The following CASQ2 variants were observed in gnomAD, a reference collection of about 807,000 sequenced individuals.
CASQ2 encodes the protein calsequestrin-2.
Under a neutral mutation model 46.5 loss-of-function variants are expected in CASQ2, and 49 were observed. The ratio of observed to expected loss-of-function variants is 1.05; its 90% CI spans 0.84 to 1.34. CASQ2 has a LOEUF of 1.34. CASQ2 is among the 40% of genes most tolerant of loss of function. The probability of loss-of-function intolerance (pLI) is 0.00; values close to 1 mark genes in which losing one functional copy is unlikely to be tolerated. For missense variants in CASQ2, 486 were observed against 481.3 expected (o/e 1.01, Z -0.09); for synonymous variants, 174 against 168.5 (o/e 1.03, Z -0.25).
At chr1:115,706,140 G>GTGTGTGTGCGTGCGTGTGTGTA (rs770420146) in intron 8 of CASQ2, among the ~76,000 whole-genome samples, 2 of 151,830 alleles carry the variant, frequency 1.3e-5, no homozygotes, top group South Asian at 2.1e-4. Context: ...CTGTGCCTGT[G>GTGTGTGTGCGTGCGTGTGTGTA]TGTGTGTGCG....
chr1:115,741,605 T>C (rs1206942988), intron 2 of CASQ2, among the ~76,000 whole-genome samples: 1 of 152,188 alleles, frequency 6.6e-6, no homozygotes, highest in East Asian at 1.9e-4. Context: ...TTAATGTATG[T>C]GGCCAGGATG....
rs74877425 is a variant in CASQ2, at chr1:115,757,519, G to A, written c.234+10789C>T. Reference sequence around the variant, plus strand: ...TGTGTGTTGCTATTCCCTCCCCAGCGTTTCCACGCAGCTCCATCTGCAGAT... The same window carrying A: ...TGTGTGTTGCTATTCCCTCCCCAGCATTTCCACGCAGCTCCATCTGCAGAT... On this transcript the variant is annotated intron_variant, in intron 1 of 10. Transcript: ENST00000261448. Among the ~76,000 whole-genome samples, 1,004 of 152,212 alleles carry A rather than the reference G, an allele frequency of 6.6e-3. 3 individuals are homozygous for A. The highest frequency in any genetic ancestry group is 0.012 in the Non-Finnish European group (804 of 68,010).
At chr1:115,721,298 G>A (rs1221647897) in intron 7 of CASQ2, among the ~76,000 whole-genome samples, 1 of 152,056 alleles carries the variant, frequency 6.6e-6, no homozygotes, top group Non-Finnish European at 1.5e-5. Context: ...TCAGCACTGG[G>A]TCTCCTTTTG....
intron 8 of CASQ2, among the ~76,000 whole-genome samples, chr1:115,708,889 C>G (rs1230537685): frequency 6.6e-6 from 1 of 152,208 alleles, no homozygotes; most frequent in African/African-American, 2.4e-5. Context: ...GCAGCTCCTT[C>G]CAGCTCCTGT....
In CASQ2 at chr1:115,743,143, A is replaced by G. The variant is rs186326731; in HGVS notation, c.319+1685T>C. Among the ~76,000 whole-genome samples the G allele has an allele frequency of 3.1e-3, 476 of 152,184 alleles. 4 individuals are homozygous for G. Among genetic ancestry groups the G allele is most frequent in the African/African-American group, 0.011 (462 of 41,516 alleles). On this transcript the variant is annotated intron_variant, in intron 2 of 10. Transcript: ENST00000261448. ...TTGCTCCCATACTCAAGGGAGAAAA[A>G]TATCCCTCAATGTGTCTCCAGGGAA...
At position 115,767,729 on chromosome 1, in the gene CASQ2, C is replaced by A. The variant is rs149171534; in HGVS notation, c.234+579G>T. On this transcript the variant is annotated intron_variant, in intron 1 of 10. Transcript: ENST00000261448. Reference sequence around the variant, plus strand: ...CTCTGCCCTAAAGTCACACCAAGAACTTTCTGAGAAAAAAAATCACATAAA... The same window carrying A: ...CTCTGCCCTAAAGTCACACCAAGAAATTTCTGAGAAAAAAAATCACATAAA... 7.0e-3 allele frequency among the ~76,000 whole-genome samples: 1,059 copies of A among 152,290 alleles called. 10 individuals are homozygous for A. The highest frequency in any genetic ancestry group is 0.012 in the Non-Finnish European group (822 of 68,022).
At position 115,745,212 on chromosome 1, in the gene CASQ2, C is replaced by T. The variant is rs770189161; in HGVS notation, c.235-300G>A. 8.5e-4 allele frequency among the ~76,000 whole-genome samples: 130 copies of T among 152,184 alleles called. 1 individual carries two copies. The highest frequency in any genetic ancestry group is 5.2e-4 in the Admixed American group (8 of 15,286). On this transcript the variant is annotated intron_variant, in intron 1 of 10. Transcript: ENST00000261448. ...CCCTTGGAGTAGATAAAACCTGGATCGGGAGAAAGAAGAATCAGGAAGGAA... is the reference window on the plus strand; with the variant it reads ...CCCTTGGAGTAGATAAAACCTGGATTGGGAGAAAGAAGAATCAGGAAGGAA...
chr1:115,701,437 G>T lies in CASQ2; in HGVS notation c.1015-11C>A. ...CCAGACACTGTCAGCCTGCAGTGAGGGACAAAATGAATGAGTGGGTAAATG... is the reference window on the plus strand; with the variant it reads ...CCAGACACTGTCAGCCTGCAGTGAGTGACAAAATGAATGAGTGGGTAAATG... On this transcript the variant is annotated splice_polypyrimidine_tract_variant and intron_variant, in intron 10 of 10. Transcript: ENST00000261448. The T allele has an allele frequency of 6.4e-7, 1 of 1,573,830 alleles. No homozygotes were observed. Among genetic ancestry groups the T allele is most frequent in the South Asian group, 1.1e-5 (1 of 90,100 alleles).
intron 5 of CASQ2, among the ~76,000 whole-genome samples, chr1:115,730,210 G>A (rs1647737949): frequency 6.6e-6 from 1 of 152,204 alleles, no homozygotes; most frequent in Admixed American, 6.5e-5. Flanking sequence ...GGGGCCCAGA[G>A]ACCAATGGTT....
chr1:115,746,159 C>T (rs1648381971), intron 1 of CASQ2, among the ~76,000 whole-genome samples: 1 of 71,386 alleles, frequency 1.4e-5, no homozygotes, highest in African/African-American at 2.9e-5. Flanking sequence ...TATCGATACG[C>T]TGTTTTTTTT....
intron 2 of CASQ2, 51 bp from the exon 3 acceptor site, chr1:115,740,879 GT>G (rs1648152673): frequency 7.8e-7 from 1 of 1,279,120 alleles, no homozygotes; most frequent in Admixed American, 1.7e-5. Flanking sequence ...CGTAGGAAGA[GT>G]GATTGTATTG....
rs1654268120 is a variant in CASQ2 at position 115,703,285 on chromosome 1, G to A, written c.940-290C>T. Among the ~76,000 whole-genome samples the A allele has an allele frequency of 2.0e-5, 3 of 152,346 alleles. No individual in the cohort carries two copies. In the South Asian group the frequency reaches 6.2e-4, roughly 32 times the overall value. On this transcript the variant is annotated intron_variant, in intron 9 of 10. Transcript: ENST00000261448. ...CCAAATTACTTGTGGCTGTTTTATA[G>A]TTTATAGAGCCATTTCCCTCCACCT...
chr1:115,765,601 A>T (rs12065091), intron 1 of CASQ2, among the ~76,000 whole-genome samples: 7,230 of 152,252 alleles, frequency 0.047, 603 homozygotes, highest in African/African-American at 0.17. Flanking sequence ...AGAAAAAAAA[A>T]TTTAATTCCC....
intron 1 of CASQ2, among the ~76,000 whole-genome samples, chr1:115,764,346 A>G (rs955131012): frequency 2.6e-5 from 4 of 152,248 alleles, no homozygotes; most frequent in Admixed American, 1.3e-4. Context: ...AAAGCTGGAA[A>G]CAAAACTGTA....
intron 9 of CASQ2, among the ~76,000 whole-genome samples, chr1:115,704,101 T>C (rs1278572712): frequency 2.6e-5 from 4 of 152,206 alleles, no homozygotes; most frequent in Non-Finnish European, 5.9e-5. Flanking sequence ...GTCTCAAGTG[T>C]CATGGAAGCC....
chr1:115,744,598 T>TTA (rs1557799794), intron 2 of CASQ2, among the ~76,000 whole-genome samples: 2 of 152,202 alleles, frequency 1.3e-5, no homozygotes, highest in Non-Finnish European at 2.9e-5. Flanking sequence ...GAAACCCTCT[T>TTA]CATCGTACTG....
intron 2 of CASQ2, among the ~76,000 whole-genome samples, chr1:115,742,305 G>A (rs1258773721): frequency 1.3e-5 from 2 of 152,030 alleles, no homozygotes; most frequent in East Asian, 1.9e-4. Context: ...ATCAATGATG[G>A]CCAATCTCAA....
chr1:115,715,107 G>A (rs1297663814), intron 8 of CASQ2, among the ~76,000 whole-genome samples: 1 of 152,234 alleles, frequency 6.6e-6, no homozygotes, highest in Non-Finnish European at 1.5e-5. Context: ...GCAGGCTGCT[G>A]CCTATGGCAA....
intron 9 of CASQ2, 86 bp from the exon 10 acceptor site, chr1:115,703,081 G>A: frequency 5.0e-6 from 5 of 1,000,170 alleles, no homozygotes; most frequent in Non-Finnish European, 7.8e-6. Flanking sequence ...ACAGTAACTA[G>A]GTCACCATTG....
Sources: allele counts gnomAD v4.1 joint callset (sites outside exome capture counted in the v4.1 genomes callset), GRCh38; gene constraint gnomAD v4.1.1; transcripts MANE v1.5; gene names NCBI Gene and HGNC (gene_info 2026-07-23, HGNC 2026-07-21).